The following BTN3A1 variants were observed in gnomAD, a reference collection of about 807,000 sequenced individuals.
The protein encoded by BTN3A1 is butyrophilin subfamily 3 member A1.
Under a neutral mutation model 43.0 loss-of-function variants are expected in BTN3A1, and 24 were observed. The ratio of observed to expected loss-of-function variants is 0.56; its 90% CI spans 0.40 to 0.78. The LOEUF (loss-of-function observed/expected upper bound fraction) is 0.78. Among genes scored for constraint, BTN3A1 ranks in the 30% least tolerant of loss-of-function variants. The pLI, the probability that BTN3A1 is intolerant of heterozygous loss-of-function variation, is 0.00. For synonymous variants in BTN3A1, 181 were observed against 234.7 expected, an observed-to-expected ratio of 0.77 and a Z score of 2.09; for missense variants, 533 against 626.2, an observed-to-expected ratio of 0.85 and a Z score of 1.59.
chr6:26,407,482 C>T (rs141734395), intron 3 of BTN3A1, among the ~76,000 whole-genome samples, 189 bp from the exon 4 acceptor site: 1 of 152,280 alleles, frequency 6.6e-6, no homozygotes, highest in East Asian at 1.9e-4. Context: ...TGGGAATAGC[C>T]CCACTGTTAC....
intron 8 of BTN3A1, 120 bp downstream of exon 8, chr6:26,411,255 C>G: frequency 2.3e-6 from 3 of 1,320,920 alleles, no homozygotes; most frequent in Admixed American, 2.2e-5. Context: ...CCCAAAGACT[C>G]AATTTGTGTG....
rs376541758 is a variant in BTN3A1 at position 26,413,723 on chromosome 6, C to T, written c.*31C>T. The T allele has an allele frequency of 2.0e-5, 32 of 1,609,624 alleles. 1 individual carries two copies. The highest frequency in any genetic ancestry group is 1.7e-4 in the Middle Eastern group (1 of 6,060). On this transcript the variant is annotated 3_prime_UTR_variant, in exon 10 of 10. Transcript: ENST00000289361. Reference sequence around the variant, plus strand: ...AGAAGAGAGTTCCTCCAATTCTGACCGAGTGCTGATCATTCCCTAGAGACA... The same window carrying T: ...AGAAGAGAGTTCCTCCAATTCTGACTGAGTGCTGATCATTCCCTAGAGACA...
At chr6:26,412,029 G>A (rs1057507570) in intron 9 of BTN3A1, 3 of 215,150 alleles carry the variant, frequency 1.4e-5, no homozygotes, top group African/African-American at 6.9e-5. Context: ...TTTAGGTGAT[G>A]ATTTCAATCT....
chr6:26,408,828 T>C (rs1762107249), intron 4 of BTN3A1, among the ~76,000 whole-genome samples: 2 of 152,204 alleles, frequency 1.3e-5, no homozygotes, highest in Non-Finnish European at 2.9e-5. Flanking sequence ...ACCTCCAAGA[T>C]TAACTTTGCA....
rs775872488 is a variant in BTN3A1, at chr6:26,413,426, C to T, written c.1276C>T (p.Pro426Ser). 1.9e-6 allele frequency: 3 copies of T among 1,613,890 alleles called. No individual in the cohort carries two copies. The highest frequency in any genetic ancestry group is 4.5e-5 in the East Asian group (2 of 44,882). The change falls in exon 10 of 10, where the codon CCT (proline) becomes TCT (serine). Residue 426 changes from proline to serine, a missense_variant. Transcript: ENST00000289361. ...VQRKGWVKMT[P>S]ENGFWTMGLT... ...GAGAAAAGGCTGGGTCAAAATGACA[C>T]CTGAGAATGGATTCTGGACTATGGG...
intron 9 of BTN3A1, chr6:26,412,630 C>T (rs1762257964): frequency 1.3e-6 from 2 of 1,548,562 alleles, no homozygotes; most frequent in Admixed American, 3.9e-5. Flanking sequence ...CCTTCATGGC[C>T]TGCTGTGGGC....
At chr6:26,412,089 G>C (rs558618075) in intron 9 of BTN3A1, 1 of 259,866 alleles carries the variant, frequency 3.8e-6, no homozygotes, top group East Asian at 8.1e-5. Context: ...AATATCCATT[G>C]GTCAAAAACC....
intron 1 of BTN3A1, 144 bp from the exon 2 acceptor site, chr6:26,405,228 A>C (rs759944701): frequency 2.4e-5 from 9 of 375,570 alleles, no homozygotes; most frequent in Admixed American, 1.9e-4. Flanking sequence ...AGTGTCCTGC[A>C]TGAATCAGAG....
At chr6:26,402,730 TAA>T (rs1761894241) in intron 1 of BTN3A1, among the ~76,000 whole-genome samples, 1 of 142,150 alleles carries the variant, frequency 7.0e-6, no homozygotes, top group African/African-American at 3.1e-5. Context: ...TAAGAGATTC[TAA>T]AAAGAGGTGT....
chr6:26,411,370 G>A (rs890975585), intron 8 of BTN3A1, among the ~76,000 whole-genome samples, 185 bp from the exon 9 acceptor site: 23 of 152,274 alleles, frequency 1.5e-4, no homozygotes, highest in African/African-American at 5.5e-4. Context: ...TCATTGCAGA[G>A]GGAACAGAGC....
chr6:26,411,197 T>TTG, intron 8 of BTN3A1, 62 bp downstream of exon 8: 1 of 1,564,404 alleles, frequency 6.4e-7, no homozygotes, highest in South Asian at 1.2e-5. Flanking sequence ...TTCAACCTTT[T>TTG]CTCTGCTGTG....
chr6:26,411,617 C>A, intron 9 of BTN3A1, 36 bp downstream of exon 9: 4 of 1,600,964 alleles, frequency 2.5e-6, no homozygotes, highest in Non-Finnish European at 3.4e-6. Context: ...GGACCAACAA[C>A]CTGAGGGACT....
intron 8 of BTN3A1, 124 bp from the exon 9 acceptor site, chr6:26,411,431 G>A: frequency 8.1e-7 from 1 of 1,237,800 alleles, no homozygotes; most frequent in East Asian, 2.3e-5. Context: ...CTGTAGAAGA[G>A]GGAGGCTGGA....
chr6:26,411,252 A>C, intron 8 of BTN3A1, 117 bp downstream of exon 8: 1 of 1,364,080 alleles, frequency 7.3e-7, no homozygotes. Context: ...TAACCCAAAG[A>C]CTCAATTTGT....
Position 26,413,551 on chromosome 6 carries a change from G to A in BTN3A1, c.1401G>A (p.Glu467=), listed in dbSNP as rs776326073. 6 of 1,614,156 alleles carry A rather than the reference G, an allele frequency of 3.7e-6. No individual in the cohort carries two copies. The South Asian group carries it at 5.5e-5, about 15-fold the overall frequency. ...PKKVGVFLDY[E]TGDISFYNAV... is the part of the protein sequence containing the mutation. ...AAGTGGGGGTCTTCCTGGACTATGA[G>A]ACTGGAGATATCTCATTCTACAATG... The change falls in exon 10 of 10, where the codon GAG becomes GAA. Residue 467 remains glutamate (E), a synonymous_variant. Transcript: ENST00000289361.
chr6:26,413,453 C>T lies in BTN3A1; in HGVS notation c.1303C>T (p.Leu435=). The change falls in exon 10 of 10, where the codon CTG becomes TTG. Residue 435 remains leucine, a synonymous_variant. Coordinates refer to ENST00000289361, the MANE Select transcript of BTN3A1 (RefSeq NM_007048.6). ...TPENGFWTMG[L]TDGNKYRTLT... ...TGAGAATGGATTCTGGACTATGGGGCTGACTGATGGGAATAAGTATCGGAC... is the reference window on the plus strand; with the variant it reads ...TGAGAATGGATTCTGGACTATGGGGTTGACTGATGGGAATAAGTATCGGAC... The T allele has an allele frequency of 6.2e-7, 1 of 1,614,090 alleles. No homozygotes were observed. The highest frequency in any genetic ancestry group is 1.3e-5 in the African/African-American group (1 of 74,984).
At position 26,413,902 on chromosome 6, in the gene BTN3A1, C is replaced by T; in HGVS notation, c.*210C>T. ...TACAAGCACGCACTGAAGCACTTTACTGATACTCATTCAATTATTCATATG... is the reference window on the plus strand; with the variant it reads ...TACAAGCACGCACTGAAGCACTTTATTGATACTCATTCAATTATTCATATG... On this transcript the variant is annotated 3_prime_UTR_variant, in exon 10 of 10. Transcript: ENST00000289361. 2.5e-6 allele frequency: 2 copies of T among 806,762 alleles called. No homozygotes were observed. Among genetic ancestry groups the T allele is most frequent in the Admixed American group, 2.7e-5 (1 of 36,826 alleles). 50.0% of individuals were successfully genotyped at this position (806,762 alleles called of 1,614,324 possible). A position where few individuals can be genotyped will look rare whatever the true frequency, so the allele number is the denominator to read the frequency against.
rs748253847 is a variant in BTN3A1, at chr6:26,406,016, C to A, written c.193C>A (p.Leu65Met). 6.2e-7 allele frequency: 1 copy of A among 1,611,890 alleles called. No individual in the cohort carries two copies. Among genetic ancestry groups the A allele is most frequent in the East Asian group, 2.2e-5 (1 of 44,876 alleles). ...GACCATGAGTGCAGAGACCATGGAG[C>A]TGAAGTGGGTGAGTTCCAGCCTAAG... ...FPTMSAETME[L>M]KWVSSSLRQV... The change falls in exon 3 of 10, where the codon CTG becomes ATG. Residue 65 changes from leucine (L) to methionine (M), a missense_variant. Coordinates refer to ENST00000289361, the MANE Select transcript of BTN3A1 (RefSeq NM_007048.6).
chr6:26,412,724 G>C, intron 9 of BTN3A1: 1 of 1,551,486 alleles, frequency 6.4e-7, no homozygotes, highest in Non-Finnish European at 8.7e-7. Context: ...TGCTTCAGAT[G>C]AGGCTCCACT....
Sources: gnomAD v4.1 joint callset for allele counts (sites outside exome capture counted in the v4.1 genomes callset) on GRCh38, gnomAD v4.1.1 for gene constraint, MANE v1.5 for transcripts, NCBI Gene and HGNC (gene_info 2026-07-23, HGNC 2026-07-21) for gene names.